Variants in LRRC37B observed in about 807,000 individuals in gnomAD.
LRRC37B encodes leucine rich repeat containing 37B, also known as leucine-rich repeat-containing protein 37B.
Under a neutral mutation model 98.3 loss-of-function variants are expected in LRRC37B, and 28 were observed. That is an observed-to-expected ratio of 0.28 (90% CI 0.21 to 0.39). The LOEUF is 0.39. Among genes scored for constraint, LRRC37B ranks in the 10% least tolerant of loss-of-function variants. LRRC37B has a pLI of 1.00. For missense variants in LRRC37B, 938 were observed against 1,182.7 expected, an observed-to-expected ratio of 0.79 and a Z score of 3.03; for synonymous variants, 364 against 442.7, an observed-to-expected ratio of 0.82 and a Z score of 2.23.
intron 3 of LRRC37B, among the ~76,000 whole-genome samples, chr17:32,029,733 C>T (rs502301): frequency 2.0e-5 from 3 of 152,150 alleles, no homozygotes; most frequent in South Asian, 2.1e-4. Context: ...CCAGATCTTC[C>T]AGGGCTTTGA....
chr17:32,009,066 C>G (rs1405165824), intron 1 of LRRC37B, among the ~76,000 whole-genome samples: 1 of 151,960 alleles, frequency 6.6e-6, no homozygotes, highest in Non-Finnish European at 1.5e-5. Flanking sequence ...TGAAGAGTTC[C>G]GGTTGCCCTG....
At position 32,022,192 on chromosome 17, in the gene LRRC37B, A is replaced by AGG; in HGVS notation, c.1128_1129dup (p.Val377GlyfsTer4). 1 of 1,613,868 alleles carries AGG rather than the reference A, an allele frequency of 6.2e-7. No homozygotes were observed. Among genetic ancestry groups the AGG allele is most frequent in the South Asian group, 1.1e-5 (1 of 91,058 alleles). ...TTTACAGTCAAACCTGCAGATGTGG[A>AGG]GGTTACCATGACTTCAGAGCCTAAA... On this transcript the variant is annotated frameshift_variant, in exon 1 of 12. Transcript: ENST00000327564. LOFTEE classifies it high-confidence loss of function.
At chr17:32,034,524 AC>A (rs59330814) in intron 5 of LRRC37B, among the ~76,000 whole-genome samples, 1,575 of 150,382 alleles carry the variant, frequency 0.01, 18 homozygotes, top group African/African-American at 0.037. Context: ...AAAAAAAAAA[AC>A]AACTTGAATT....
intron 3 of LRRC37B, among the ~76,000 whole-genome samples, chr17:32,029,537 C>T (rs1192245377): frequency 6.6e-6 from 1 of 152,040 alleles, no homozygotes; most frequent in African/African-American, 2.4e-5. Context: ...ACCCAGGAAG[C>T]TGTTACTAGA....
intron 7 of LRRC37B, chr17:32,041,183 G>T: frequency 1.3e-6 from 1 of 772,318 alleles, no homozygotes. Context: ...CCAAGCGGGA[G>T]TATAAGCCCA....
chr17:32,022,470 A>G, exon 1 of LRRC37B: 2 of 1,612,810 alleles, frequency 1.2e-6, no homozygotes, highest in Non-Finnish European at 1.7e-6. Flanking sequence ...CACGGAGGAA[A>G]CCTCAGCTCA....
At chr17:32,051,162 A>G (rs1911745129) in intron 11 of LRRC37B, 1 of 151,860 alleles carries the variant, frequency 6.6e-6, no homozygotes, top group Admixed American at 6.6e-5. Context: ...TCCAAAGCCA[A>G]CTCAGTTCAT....
At chr17:32,037,220 A>T (rs1271360412) in intron 7 of LRRC37B, among the ~76,000 whole-genome samples, 1 of 151,940 alleles carries the variant, frequency 6.6e-6, no homozygotes, top group Admixed American at 6.6e-5. Context: ...ACCTCAATGG[A>T]TCCACACCCC....
chr17:32,047,881 T>C (rs1169958404), exon 9 of LRRC37B: 1 of 1,614,094 alleles, frequency 6.2e-7, no homozygotes, highest in Non-Finnish European at 8.5e-7. Context: ...AGCAGTGGCA[T>C]CAACTTGTCA....
At chr17:32,022,937 T>C in intron 1 of LRRC37B, 112 bp downstream of exon 4, 1 of 1,019,990 alleles carries the variant, frequency 9.8e-7, no homozygotes, top group East Asian at 2.4e-5. Context: ...GACAAGTGAC[T>C]TTCTGCTTTC....
At chr17:32,049,867 C>G in intron 10 of LRRC37B, 136 bp from the exon 14 acceptor site, 1 of 564,128 alleles carries the variant, frequency 1.8e-6, no homozygotes, top group Non-Finnish European at 3.2e-6. Flanking sequence ...GATCCTGTCT[C>G]AAAAAAAATA....
In LRRC37B at chr17:32,034,902, T is replaced by G; in HGVS notation, c.2058-8T>G. ...TGCAGGTAATTTTAATTTCATTGCATTTTTCAGAATTCTCAATCGCAATCC... is the reference window on the plus strand; with the variant it reads ...TGCAGGTAATTTTAATTTCATTGCAGTTTTCAGAATTCTCAATCGCAATCC... On this transcript the variant is annotated splice_polypyrimidine_tract_variant and splice_region_variant and intron_variant, in intron 5 of 11. Transcript: ENST00000327564. 3.1e-6 allele frequency: 5 copies of G among 1,606,458 alleles called. No homozygotes were observed. Among genetic ancestry groups the G allele is most frequent in the Non-Finnish European group, 4.3e-6 (5 of 1,174,342 alleles).
chr17:32,046,505 G>C (rs1249201332), intron 8 of LRRC37B, among the ~76,000 whole-genome samples: 1 of 152,082 alleles, frequency 6.6e-6, no homozygotes, highest in Non-Finnish European at 1.5e-5. Flanking sequence ...CTTGAATACA[G>C]GTATCTACCA....
intron 6 of LRRC37B, 89 bp downstream of exon 9, chr17:32,035,070 A>G (rs1235486290): frequency 2.1e-6 from 2 of 974,504 alleles, no homozygotes; most frequent in African/African-American, 1.7e-5. Flanking sequence ...ATTTAGGCTA[A>G]AAAGTCATAA....
chr17:32,038,880 A>G (rs1219377132), intron 7 of LRRC37B, among the ~76,000 whole-genome samples: 1 of 152,212 alleles, frequency 6.6e-6, no homozygotes, highest in Non-Finnish European at 1.5e-5. Flanking sequence ...AAAGAAAGAA[A>G]ATAAATAAAT....
chr17:32,007,866 G>C (rs1159057802), upstream of LRRC37B: 2 of 1,117,358 alleles, frequency 1.8e-6, no homozygotes, highest in Non-Finnish European at 2.2e-6. The surrounding 1 kb of genome is among the most constrained non-coding windows in gnomAD (Gnocchi z 4.1). Flanking sequence ...ACCAGCGCAC[G>C]GGCCCGGCGG....
chr17:32,018,857 T>C (rs1910702552), upstream of LRRC37B, among the ~76,000 whole-genome samples: 1 of 152,168 alleles, frequency 6.6e-6, no homozygotes, highest in Non-Finnish European at 1.5e-5. Flanking sequence ...CGGTCAACAA[T>C]AGACCACATA....
intron 11 of LRRC37B, 160 bp from the exon 15 acceptor site, chr17:32,053,106 T>C (rs1911805257): frequency 1.6e-6 from 1 of 639,782 alleles, no homozygotes; most frequent in Admixed American, 3.3e-5. Context: ...GACTGAACTG[T>C]GGAAGAATCA....
At chr17:32,048,163 GA>G in intron 9 of LRRC37B, 1 of 750,934 alleles carries the variant, frequency 1.3e-6, no homozygotes, top group Non-Finnish European at 2.3e-6. Flanking sequence ...GCAACCACAG[GA>G]AAACAGCCTG....
Sources: allele counts gnomAD v4.1 joint callset (sites outside exome capture counted in the v4.1 genomes callset), GRCh38; gene constraint gnomAD v4.1.1; non-coding constraint Gnocchi (gnomAD v3.1); transcripts MANE v1.5; gene names NCBI Gene and HGNC (gene_info 2026-07-23, HGNC 2026-07-21).